Variants in SP3 observed in about 807,000 individuals in gnomAD.
The protein encoded by SP3 is transcription factor Sp3.
A neutral mutation model predicts 70.3 loss-of-function variants in SP3; 10 were observed. The ratio of observed to expected loss-of-function variants is 0.14; its 90% CI spans 0.09 to 0.24. SP3 has a LOEUF of 0.24. Ranked by LOEUF, SP3 falls within the 10% of genes least tolerant of loss-of-function variation. The pLI, the probability that SP3 is intolerant of heterozygous loss-of-function variation, is 1.00. For synonymous variants in SP3, 402 were observed against 333.5 expected, an observed-to-expected ratio of 1.21 and a Z score of -2.24; for missense variants, 825 against 914.6, an observed-to-expected ratio of 0.90 and a Z score of 1.26.
intron 5 of SP3, chr2:173,914,141 C>T (rs952485295): frequency 6.8e-6 from 1 of 147,998 alleles, no homozygotes; most frequent in African/African-American, 2.5e-5. Flanking sequence ...TTAAACACTA[C>T]AGAAAATGTT....
chr2:173,935,776 A>G (rs1043167105), intron 4 of SP3, among the ~76,000 whole-genome samples: 21 of 152,136 alleles, frequency 1.4e-4, no homozygotes, highest in Non-Finnish European at 2.8e-4. Flanking sequence ...CACAAATTCA[A>G]TCCATTCCAA....
At chr2:173,965,661 G>A (rs1016132868), upstream of SP3, 1 of 176,776 alleles carries the variant, frequency 5.7e-6, no homozygotes, top group Non-Finnish European at 1.2e-5. Flanking sequence ...AGCAGGCCTA[G>A]CCAAGCTGTA....
At chr2:173,910,280 A>T (rs1459329747) in intron 6 of SP3, 23 bp from the exon 7 acceptor site, 1 of 1,606,798 alleles carries the variant, frequency 6.2e-7, no homozygotes, top group Admixed American at 1.7e-5. Flanking sequence ...AAATTAAGTT[A>T]CTTGGTTTTA....
In SP3 at chr2:173,964,631, G is replaced by A. The variant is rs543877958; in HGVS notation, c.8-78C>T. The A allele has an allele frequency of 5.7e-4, 340 of 593,964 alleles. 1 individual carries two copies. In the African/African-American group the frequency reaches 5.8e-3, roughly 10 times the overall value. 36.8% of individuals were successfully genotyped at this position (593,964 alleles called of 1,614,324 possible). ...AGGGAGGGGGCCCGCGGGCCGAAGC[G>A]AAATTACTCCCAAAGCCCGGACCCA... is the stretch of plus-strand genomic sequence containing the variant. On this transcript the variant is annotated intron_variant, in intron 1 of 6. Transcript: ENST00000310015.
At position 173,964,443 on chromosome 2, in the gene SP3, G is replaced by A. The variant is rs769943599; in HGVS notation, c.118C>T (p.His40Tyr). ...GCCGCCGCCACCGCACCGTTTCCGT[G>A]CTGTTGCTGCTGCTGCAGATACTCG... ...HGEYLQQQQQ[H>Y]GNGAVAAAAA... The change falls in exon 2 of 7, where the codon CAC becomes TAC. Residue 40 changes from histidine (H) to tyrosine (Y), a missense_variant. Physicochemically the swap from His to Tyr is moderately conservative, Grantham distance 83. Transcript: ENST00000310015. 14 of 733,270 alleles carry A rather than the reference G, an allele frequency of 1.9e-5. No individual in the cohort carries two copies. Among genetic ancestry groups the A allele is most frequent in the South Asian group, 1.7e-4 (12 of 69,370 alleles). The allele number at this position is 733,270 out of a possible 1,614,324, so 45.4% of individuals were successfully genotyped here.
chr2:173,958,643 T>C (rs1438717129), intron 3 of SP3, among the ~76,000 whole-genome samples: 2 of 151,726 alleles, frequency 1.3e-5, no homozygotes, highest in African/African-American at 4.8e-5. Flanking sequence ...AGGAACTTTT[T>C]TAATTTAATA....
At chr2:173,934,486 CATA>C (rs754576245) in intron 4 of SP3, among the ~76,000 whole-genome samples, 2 of 151,952 alleles carry the variant, frequency 1.3e-5, no homozygotes, top group Non-Finnish European at 2.9e-5. Context: ...AAATAAATGA[CATA>C]ATGTTAATCA....
chr2:173,914,171 T>A (rs1689565811), intron 5 of SP3: 2 of 150,890 alleles, frequency 1.3e-5, no homozygotes, highest in Non-Finnish European at 1.5e-5. Context: ...CCTTTTAAAA[T>A]AAAAAAAAAA....
At chr2:173,948,864 A>C (rs533138136) in intron 4 of SP3, among the ~76,000 whole-genome samples, 78 of 152,312 alleles carry the variant, frequency 5.1e-4, no homozygotes, top group Middle Eastern at 6.8e-3. Flanking sequence ...AATTTCTAAA[A>C]TTTAAAGACC....
At chr2:173,932,633 G>A (rs762876788) in intron 4 of SP3, among the ~76,000 whole-genome samples, 1 of 152,156 alleles carries the variant, frequency 6.6e-6, no homozygotes, top group African/African-American at 2.4e-5. Context: ...ATGGTCTGTT[G>A]TGCCCCAAGA....
chr2:173,903,749 C>T lies in SP3; in HGVS notation c.*6192G>A, dbSNP rs138582626. Among the ~76,000 whole-genome samples, 3 of 152,252 alleles carry T rather than the reference C, an allele frequency of 2.0e-5. No individual in the cohort carries two copies. Among genetic ancestry groups the T allele is most frequent in the Non-Finnish European group, 4.4e-5 (3 of 68,014 alleles). On this transcript the variant is annotated 3_prime_UTR_variant, in exon 7 of 7. Transcript: ENST00000310015. ...AAGATACAGCCATCTGTTAAGAGGG[C>T]GTCCTGAAACTGTAGAGGGACTTCT...
rs1689445325 is a variant in SP3 at position 173,910,386 on chromosome 2, AT to A, written c.2030-130del. On this transcript the variant is annotated intron_variant, in intron 6 of 6. Coordinates refer to ENST00000310015, the MANE Select transcript of SP3 (RefSeq NM_003111.5). The stretch of plus-strand genomic sequence containing the variant: ...GGGAGCAGGGGTCTATTAAAATTGT[AT>A]TCATTTTACGAGCTACCCCTGCCAG... 8.9e-6 allele frequency: 6 copies of A among 676,582 alleles called. No individual in the cohort carries two copies. In the South Asian group the frequency reaches 1.2e-4, roughly 14 times the overall value. 41.9% of individuals were successfully genotyped at this position (676,582 alleles called of 1,614,324 possible).
Position 173,906,094 on chromosome 2 carries a change from T to C in SP3, c.*3847A>G, listed in dbSNP as rs552646756. ...ACTAGGAATCACTGACAAAAAAAATTCTTCTCTTTTGCAATTTGGCAGCCC... is the reference window on the plus strand; with the variant it reads ...ACTAGGAATCACTGACAAAAAAAATCCTTCTCTTTTGCAATTTGGCAGCCC... On this transcript the variant is annotated 3_prime_UTR_variant, in exon 7 of 7. Transcript: ENST00000310015. 4.4e-4 allele frequency among the ~76,000 whole-genome samples: 67 copies of C among 152,172 alleles called. No homozygotes were observed. Among genetic ancestry groups the C allele is most frequent in the African/African-American group, 1.3e-3 (52 of 41,520 alleles).
intron 6 of SP3, among the ~76,000 whole-genome samples, chr2:173,912,494 T>C (rs1049444512): frequency 3.9e-5 from 6 of 152,248 alleles, no homozygotes; most frequent in African/African-American, 1.4e-4. Context: ...AAACTATCTC[T>C]AAGTTAACAC....
At position 173,904,237 on chromosome 2, in the gene SP3, G is replaced by A. The variant is rs1386380638; in HGVS notation, c.*5704C>T. On this transcript the variant is annotated 3_prime_UTR_variant, in exon 7 of 7. Transcript: ENST00000310015. Reference sequence around the variant, plus strand: ...AGACCAGGGACCAGGACCAGTCTGTGGCCCAGGTGGTTCCTCACAGACCAG... The same window carrying A: ...AGACCAGGGACCAGGACCAGTCTGTAGCCCAGGTGGTTCCTCACAGACCAG... 6.6e-5 allele frequency among the ~76,000 whole-genome samples: 10 copies of A among 152,066 alleles called. No individual in the cohort carries two copies. Among genetic ancestry groups the A allele is most frequent in the Admixed American group, 5.9e-4 (9 of 15,266 alleles).
intron 4 of SP3, among the ~76,000 whole-genome samples, chr2:173,937,471 C>T (rs1487614633): frequency 6.6e-6 from 1 of 152,036 alleles, no homozygotes; most frequent in African/African-American, 2.4e-5. Context: ...ACAAACCCTG[C>T]CCAAGCTGTT....
At chr2:173,926,269 GA>G (rs1689905915) in intron 4 of SP3, among the ~76,000 whole-genome samples, 1 of 151,932 alleles carries the variant, frequency 6.6e-6, no homozygotes, top group Admixed American at 6.6e-5. Flanking sequence ...ACCAATGAAG[GA>G]AACATACAAA....
chr2:173,929,107 T>G (rs533721998), intron 4 of SP3, among the ~76,000 whole-genome samples: 2 of 152,332 alleles, frequency 1.3e-5, no homozygotes, highest in East Asian at 3.9e-4. Context: ...AGGCTCCACT[T>G]GATACATGCT....
chr2:173,925,570 G>GT (rs913136648), intron 4 of SP3, among the ~76,000 whole-genome samples: 1 of 152,092 alleles, frequency 6.6e-6, no homozygotes, highest in Non-Finnish European at 1.5e-5. Context: ...AATGTTATGT[G>GT]TTTTTTACAA....
Sources: allele counts gnomAD v4.1 joint callset (sites outside exome capture counted in the v4.1 genomes callset), GRCh38; gene constraint gnomAD v4.1.1; transcripts MANE v1.5; gene names NCBI Gene and HGNC (gene_info 2026-07-23, HGNC 2026-07-21).